The following KRT4 variants were observed in gnomAD, a reference collection of about 807,000 sequenced individuals.
KRT4 encodes the protein keratin, type II cytoskeletal 4.
KRT4 carries 47 observed loss-of-function variants against 50.6 expected under a neutral mutation model. The ratio of observed to expected loss-of-function variants is 0.93; its 90% CI spans 0.73 to 1.18. The LOEUF (loss-of-function observed/expected upper bound fraction) is 1.18. Ranked by LOEUF, KRT4 falls within the 50% of genes most tolerant of loss-of-function variation. The pLI, the probability that KRT4 is intolerant of heterozygous loss-of-function variation, is 0.00. For missense variants in KRT4, 651 were observed against 645.7 expected (o/e 1.01, Z -0.09); for synonymous variants, 254 against 251.2 (o/e 1.01, Z -0.10).
intron 3 of KRT4, among the ~76,000 whole-genome samples, chr12:52,810,486 G>T (rs1208842889): frequency 6.6e-6 from 1 of 152,124 alleles, no homozygotes; most frequent in Non-Finnish European, 1.5e-5. Context: ...GGTGGAGCTT[G>T]CAGTGACCCA....
chr12:52,812,936 G>A (rs534142606), intron 1 of KRT4, among the ~76,000 whole-genome samples: 2 of 152,274 alleles, frequency 1.3e-5, no homozygotes, highest in Admixed American at 6.5e-5. Flanking sequence ...TGGATGACTC[G>A]GCTCTCTGGG....
Position 52,808,316 on chromosome 12 carries a change from T to G in KRT4, c.1103A>C (p.Glu368Ala). ...CACCTGCTTCTTGATGTTCTCGATCTCTGCCCGCAGCCTCTGGATCATCCT... is the reference window on the plus strand; with the variant it reads ...CACCTGCTTCTTGATGTTCTCGATCGCTGCCCGCAGCCTCTGGATCATCCT... ...LNRMIQRLRA[E>A]IENIKKQCQT... Residue 368 changes from glutamate (E) to alanine (A), a missense_variant, in exon 6 of 9, where the codon GAG becomes GCG. Coordinates refer to ENST00000551956, the MANE Select transcript of KRT4 (RefSeq NM_002272.4). The G allele has an allele frequency of 6.2e-7, 1 of 1,614,160 alleles. No individual in the cohort carries two copies. The highest frequency in any genetic ancestry group is 8.5e-7 in the Non-Finnish European group (1 of 1,180,028).
chr12:52,812,993 T>G (rs1392891882), intron 1 of KRT4, among the ~76,000 whole-genome samples: 1 of 152,154 alleles, frequency 6.6e-6, no homozygotes, highest in African/African-American at 2.4e-5. Context: ...TAACTGAGCT[T>G]AAAGAACTTG....
At chr12:52,807,305 G>C (rs1939816396) in intron 8 of KRT4, 54 bp downstream of exon 8, 2 of 1,613,862 alleles carry the variant, frequency 1.2e-6, no homozygotes, top group Non-Finnish European at 1.7e-6. Context: ...CACCCCAGGG[G>C]TCTGGCAAGA....
chr12:52,811,621 T>C (rs1230973171), intron 2 of KRT4, 142 bp downstream of exon 2: 5 of 703,534 alleles, frequency 7.1e-6, no homozygotes, highest in Non-Finnish European at 1.0e-5. Context: ...AACGTGACTA[T>C]GTGGATGTAG....
chr12:52,811,715 G>T, intron 2 of KRT4, 48 bp downstream of exon 2: 1 of 1,500,552 alleles, frequency 6.7e-7, no homozygotes, highest in Non-Finnish European at 9.3e-7. Flanking sequence ...GCCTGGGTGT[G>T]GCTGGGCACA....
In KRT4 at chr12:52,811,887, C is replaced by T; in HGVS notation, c.553G>A (p.Glu185Lys). ...CTGAGGTAGGTCTCAAAGAGGGGCT[C>T]AAGGTTTTTGCTGGAGGTGGTGGTC... ...QTTTTSSKNL[E>K]PLFETYLSVL... Residue 185 changes from glutamate to lysine, a missense_variant, in exon 2 of 9, where the codon GAG (glutamate) becomes AAG (lysine). Transcript: ENST00000551956. The T allele has an allele frequency of 6.2e-7, 1 of 1,614,048 alleles. No individual in the cohort carries two copies. Among genetic ancestry groups the T allele is most frequent in the Non-Finnish European group, 8.5e-7 (1 of 1,180,032 alleles).
rs1374435074 is a variant in KRT4 at position 52,811,921 on chromosome 12, C to T, written c.519G>A (p.Gln173=). Residue 173 remains glutamine (Q), a synonymous_variant, in exon 2 of 9, where the codon CAG becomes CAA. Coordinates refer to ENST00000551956, the MANE Select transcript of KRT4 (RefSeq NM_002272.4). ...TGCTGGAGGTGGTGGTCGTCTGCTG[C>T]TGGAGCAGGTTCCATTTGGTCTCCA... ...KVLETKWNLL[Q]QQTTTTSSKN... 15 of 1,614,014 alleles carry T rather than the reference C, an allele frequency of 9.3e-6. No individual in the cohort carries two copies. Among genetic ancestry groups the T allele is most frequent in the Middle Eastern group, 3.4e-4 (2 of 5,940 alleles).
rs769322571 is a variant in KRT4, at chr12:52,813,853, C to G, written c.206G>C (p.Arg69Pro). ...KSISMSVAGS[R>P]QGACFGGAGG... ...AGCACCCCCAAAGCAGGCACCTTGT[C>G]GTGACCCAGCCACACTCATGGAGAT... Residue 69 changes from arginine (R) to proline (P), a missense_variant, in exon 1 of 9, where the codon CGA (arginine) becomes CCA (proline). Coordinates refer to ENST00000551956, the MANE Select transcript of KRT4 (RefSeq NM_002272.4). 2.5e-6 allele frequency: 4 copies of G among 1,613,494 alleles called. No individual in the cohort carries two copies. The South Asian group carries it at 4.4e-5, about 18-fold the overall frequency.
chr12:52,807,923 C>G (rs1939831005), intron 6 of KRT4, 59 bp from the exon 7 acceptor site: 2 of 1,429,474 alleles, frequency 1.4e-6, no homozygotes, highest in Non-Finnish European at 2.0e-6. Context: ...GGCCTCTACA[C>G]CTGTCCCCTC....
intron 2 of KRT4, chr12:52,811,499 T>C (rs1186519813): frequency 2.1e-6 from 1 of 483,834 alleles, no homozygotes; most frequent in Non-Finnish European, 3.8e-6. Context: ...CTATACTGCT[T>C]TTCATCTATT....
chr12:52,809,378 C>T lies in KRT4; in HGVS notation c.834+5G>A. The T allele has an allele frequency of 6.2e-7, 1 of 1,605,466 alleles. No homozygotes were observed. The highest frequency in any genetic ancestry group is 8.5e-7 in the Non-Finnish European group (1 of 1,172,074). The stretch of plus-strand genomic sequence containing the variant: ...CCTGGATGGAGGGGAGGATGGAGCC[C>T]TCACCGCATCATAGAGGACCTTCAG... On this transcript the variant is annotated splice_donor_5th_base_variant and intron_variant, in intron 4 of 8. Transcript: ENST00000551956.
At position 52,809,481 on chromosome 12, in the gene KRT4, G is replaced by A; in HGVS notation, c.739-3C>T. 3.7e-6 allele frequency: 6 copies of A among 1,608,468 alleles called. No homozygotes were observed. The highest frequency in any genetic ancestry group is 1.7e-5 in the Admixed American group (1 of 60,024). Reference sequence around the variant, plus strand: ...TTCAGGTAGGCAGCATCCACGTCCTGCAGAGGAGTAAGGAGGATAAGAGAT... The same window carrying A: ...TTCAGGTAGGCAGCATCCACGTCCTACAGAGGAGTAAGGAGGATAAGAGAT... On this transcript the variant is annotated splice_region_variant and splice_polypyrimidine_tract_variant and intron_variant, in intron 3 of 8. Transcript: ENST00000551956.
chr12:52,811,707 C>T, intron 2 of KRT4, 56 bp downstream of exon 2: 1 of 1,432,756 alleles, frequency 7.0e-7, no homozygotes, highest in Non-Finnish European at 9.8e-7. Flanking sequence ...CCCCGGGAGC[C>T]TGGGTGTGGC....
chr12:52,811,648 G>A (rs765698055), intron 2 of KRT4, 115 bp downstream of exon 2: 37 of 820,410 alleles, frequency 4.5e-5, no homozygotes, highest in Non-Finnish European at 6.7e-5. Context: ...AGACTAGAGG[G>A]CCTTCCTAGA....
intron 2 of KRT4, 178 bp from the exon 3 acceptor site, chr12:52,810,994 A>G: frequency 1.6e-6 from 1 of 623,640 alleles, no homozygotes; most frequent in Non-Finnish European, 2.9e-6. Flanking sequence ...TATAGGAAGT[A>G]CCCGTTTAGG....
intron 5 of KRT4, 68 bp downstream of exon 5, chr12:52,808,618 C>A: frequency 6.4e-7 from 1 of 1,562,442 alleles, no homozygotes; most frequent in Non-Finnish European, 8.8e-7. Context: ...TAATGATCAC[C>A]TGTTCACAGA....
In KRT4 at chr12:52,807,239, C is replaced by T. The variant is rs201203112; in HGVS notation, c.1393G>A (p.Gly465Ser). 12 of 1,614,196 alleles carry T rather than the reference C, an allele frequency of 7.4e-6. No individual in the cohort carries two copies. Among genetic ancestry groups the T allele is most frequent in the Middle Eastern group, 1.6e-4 (1 of 6,062 alleles). The stretch of plus-strand genomic sequence containing the variant: ...CTGATGCCTCCAGTGCTGGTGCTAC[C>T]GCTGACCACAGCTGCAGAAAAGACA... The part of the protein sequence containing the change: ...QSAVSISVVS[G>S]STSTGGISGG... The change falls in exon 9 of 9, where the codon GGT (glycine) becomes AGT (serine). Residue 465 changes from glycine to serine, a missense_variant. Physicochemically the swap from Gly to Ser is moderately conservative, Grantham distance 56. Transcript: ENST00000551956.
rs756341666 is a variant in KRT4 at position 52,811,877 on chromosome 12, A to G, written c.563T>C (p.Phe188Ser). 1.2e-6 allele frequency: 2 copies of G among 1,614,088 alleles called. No individual in the cohort carries two copies. The highest frequency in any genetic ancestry group is 3.3e-5 in the Admixed American group (2 of 60,022). Residue 188 changes from phenylalanine (F) to serine (S), a missense_variant, in exon 2 of 9, where the codon TTT becomes TCT. Coordinates refer to ENST00000551956, the MANE Select transcript of KRT4 (RefSeq NM_002272.4). Reference protein sequence around the residue: ...TTSSKNLEPLFETYLSVLRKQ... With the variant: ...TTSSKNLEPLSETYLSVLRKQ... ...CCTCAGGACACTGAGGTAGGTCTCAAAGAGGGGCTCAAGGTTTTTGCTGGA... is the reference window on the plus strand; with the variant it reads ...CCTCAGGACACTGAGGTAGGTCTCAGAGAGGGGCTCAAGGTTTTTGCTGGA...
Sources: allele counts gnomAD v4.1 joint callset (sites outside exome capture counted in the v4.1 genomes callset), GRCh38; gene constraint gnomAD v4.1.1; transcripts MANE v1.5; gene names NCBI Gene and HGNC (gene_info 2026-07-23, HGNC 2026-07-21).